DPH6: variants seen among roughly 807,000 people sequenced by gnomAD.
DPH6 encodes diphthine--ammonia ligase.
DPH6 carries 33 observed loss-of-function variants against 38.2 expected under a neutral mutation model. The observed-to-expected ratio is 0.86, with a 90% CI of 0.65 to 1.15. The LOEUF (loss-of-function observed/expected upper bound fraction) is 1.15, where lower values mean the gene tolerates loss of function less well. Among genes scored for constraint, DPH6 ranks in the 50% most tolerant of loss-of-function variants. DPH6 has a pLI of 0.00. For synonymous variants in DPH6, 108 were observed against 103.0 expected, an observed-to-expected ratio of 1.05 and a Z score of -0.30; for missense variants, 325 against 320.0, an observed-to-expected ratio of 1.02 and a Z score of -0.12.
At chr15:35,189,587 A>G in the DPH6 span, among the ~76,000 whole-genome samples, 4 of 152,336 alleles carry the variant, frequency 2.6e-5, no homozygotes, top group South Asian at 6.2e-4. Context: ...TTTATTAGGC[A>G]TTGGTTATAA....
intron 3 of DPH6, among the ~76,000 whole-genome samples, chr15:35,500,166 A>ATATATAT (rs2054608087): frequency 6.6e-6 from 1 of 152,208 alleles, no homozygotes; most frequent in African/African-American, 2.4e-5. Flanking sequence ...GCTACAATAT[A>ATATATAT]ATCAGTATCA....
intron 3 of DPH6, among the ~76,000 whole-genome samples, chr15:35,265,829 C>G (rs1292068338): frequency 1.3e-5 from 2 of 152,170 alleles, no homozygotes; most frequent in Admixed American, 6.5e-5. Context: ...ATATCGCTGT[C>G]ATATGATAGT....
chr15:35,525,460 C>T (rs559316129), intron 3 of DPH6, among the ~76,000 whole-genome samples: 2 of 152,274 alleles, frequency 1.3e-5, no homozygotes, highest in South Asian at 2.1e-4. Context: ...TCTTTGGAAG[C>T]CCCAGAAGAC....
At chr15:35,216,163 C>G (rs969561999), downstream of DPH6, among the ~76,000 whole-genome samples, 1 of 152,154 alleles carries the variant, frequency 6.6e-6, no homozygotes, top group African/African-American at 2.4e-5. Context: ...GGGTTGTGGG[C>G]CTTTGGACAG....
At chr15:35,421,083 T>C (rs2053499032) in intron 5 of DPH6, among the ~76,000 whole-genome samples, 1 of 152,138 alleles carries the variant, frequency 6.6e-6, no homozygotes, top group Non-Finnish European at 1.5e-5. Context: ...CTACCAAGAC[T>C]GAATCACAAA....
intron 3 of DPH6, among the ~76,000 whole-genome samples, chr15:35,256,526 A>T (rs559886754): frequency 1.3e-5 from 2 of 152,264 alleles, no homozygotes; most frequent in African/African-American, 2.4e-5. Context: ...CTAAAATATA[A>T]TTTTTTTTCT....
chr15:35,340,278 G>A (rs1469269097), intron 3 of DPH6, among the ~76,000 whole-genome samples: 1 of 151,962 alleles, frequency 6.6e-6, no homozygotes, highest in Non-Finnish European at 1.5e-5. Context: ...TGTTTCTGTA[G>A]GCGAGATGGA....
At chr15:35,160,814 CCT>C in the DPH6 span, among the ~76,000 whole-genome samples, 2 of 151,642 alleles carry the variant, frequency 1.3e-5, no homozygotes, top group African/African-American at 4.8e-5. Context: ...TCTGTCTCTC[CCT>C]CTCTCTCTCT....
At chr15:35,470,285 C>G (rs1566922069) in intron 3 of DPH6, among the ~76,000 whole-genome samples, 1 of 151,880 alleles carries the variant, frequency 6.6e-6, no homozygotes, top group Non-Finnish European at 1.5e-5. Flanking sequence ...AAAGAAAGGG[C>G]TATCACAGAC....
intron 3 of DPH6, among the ~76,000 whole-genome samples, chr15:35,466,835 A>G (rs2054132164): frequency 6.6e-6 from 1 of 152,222 alleles, no homozygotes; most frequent in South Asian, 2.1e-4. Context: ...GTATCTAAAC[A>G]TATCTAACCA....
At chr15:35,446,053 G>C (rs28547575) in intron 5 of DPH6, among the ~76,000 whole-genome samples, 1 of 151,936 alleles carries the variant, frequency 6.6e-6, no homozygotes, top group Non-Finnish European at 1.5e-5. Context: ...TTCTCAAGAC[G>C]CAGAGAAAAG....
intron 3 of DPH6, among the ~76,000 whole-genome samples, chr15:35,360,637 A>C (rs1255636081): frequency 6.6e-6 from 1 of 152,170 alleles, no homozygotes; most frequent in Non-Finnish European, 1.5e-5. Context: ...AAGTCACAGG[A>C]CCAGTTCAAG....
intron 3 of DPH6, among the ~76,000 whole-genome samples, chr15:35,294,101 A>G (rs930723212): frequency 2.0e-5 from 3 of 152,114 alleles, no homozygotes; most frequent in African/African-American, 4.8e-5. Context: ...AAAGTGCCCT[A>G]GTTCCTGAAT....
At chr15:35,531,256 G>A (rs903774163) in intron 3 of DPH6, among the ~76,000 whole-genome samples, 3 of 152,156 alleles carry the variant, frequency 2.0e-5, no homozygotes, top group African/African-American at 7.2e-5. Context: ...ATTAGAAAGA[G>A]TTTCTGCTCA....
At chr15:35,432,288 C>A (rs2053642420) in intron 5 of DPH6, among the ~76,000 whole-genome samples, 1 of 152,176 alleles carries the variant, frequency 6.6e-6, no homozygotes, top group Non-Finnish European at 1.5e-5. Context: ...TTGCTTTACA[C>A]TCCTGAAAGA....
intron 1 of DPH6, among the ~76,000 whole-genome samples, chr15:35,543,287 T>C (rs1369422855): frequency 1.8e-5 from 1 of 55,834 alleles, no homozygotes; most frequent in Non-Finnish European, 4.2e-5. Flanking sequence ...TATATATATA[T>C]ATATATATAT....
chr15:35,343,993 T>C (rs970024886), intron 3 of DPH6, among the ~76,000 whole-genome samples: 1 of 152,052 alleles, frequency 6.6e-6, no homozygotes, highest in African/African-American at 2.4e-5. Context: ...TGATCTAGGT[T>C]TTCTCTGGAT....
intron 3 of DPH6, among the ~76,000 whole-genome samples, chr15:35,357,161 A>G (rs1158300395): frequency 6.6e-6 from 1 of 152,180 alleles, no homozygotes. Flanking sequence ...GAATGACCCA[A>G]TTTTCTAGGT....
At chr15:35,436,505 AAAACAAAAC>A (rs2053713211) in intron 5 of DPH6, among the ~76,000 whole-genome samples, 3 of 50,098 alleles carry the variant, frequency 6.0e-5, no homozygotes, top group Admixed American at 2.4e-4. Context: ...AAAACAAAAC[AAAACAAAAC>A]AAAAAAGGTT....
Sources: allele counts gnomAD v4.1 joint callset (sites outside exome capture counted in the v4.1 genomes callset), GRCh38; gene constraint gnomAD v4.1.1; transcripts MANE v1.5; gene names NCBI Gene and HGNC (gene_info 2026-07-23, HGNC 2026-07-21).